MCC: variants seen among roughly 807,000 people sequenced by gnomAD.
The protein encoded by MCC is MCC regulator of Wnt signaling pathway, also known as colorectal mutant cancer protein.
A neutral mutation model predicts 116.2 loss-of-function variants in MCC; 90 were observed. That is an observed-to-expected ratio of 0.77 (90% CI 0.65 to 0.92). The LOEUF (loss-of-function observed/expected upper bound fraction) is 0.92, where lower values mean the gene tolerates loss of function less well. Among genes scored for constraint, MCC ranks in the 40% least tolerant of loss-of-function variants. The probability of loss-of-function intolerance (pLI) is 0.00; values close to 1 mark genes in which losing one functional copy is unlikely to be tolerated. For synonymous variants in MCC, 578 were observed against 510.5 expected (o/e 1.13, Z -1.78); for missense variants, 1,516 against 1,312.2 (o/e 1.16, Z -2.40).
chr5:113,186,357 G>A (rs1761897321), intron 3 of MCC, among the ~76,000 whole-genome samples: 1 of 152,084 alleles, frequency 6.6e-6, no homozygotes, highest in South Asian at 2.1e-4. Flanking sequence ...CCTCATTTGG[G>A]CCTGTTTTAA....
At chr5:113,465,448 T>C (rs2150427679) in intron 1 of MCC, among the ~76,000 whole-genome samples, 1 of 152,226 alleles carries the variant, frequency 6.6e-6, no homozygotes, top group East Asian at 1.9e-4. Flanking sequence ...AATGTCAATA[T>C]TTATCTACTG....
At position 113,080,618 on chromosome 5, in the gene MCC, A is replaced by C. The variant is rs187675284; in HGVS notation, c.1784+2242T>G. ...AATTGAACAATGAGAACACCTGGAC[A>C]CACGGTGTGGAACATCACACACCGG... is the stretch of plus-strand genomic sequence containing the variant. On this transcript the variant is annotated intron_variant, in intron 11 of 18. Transcript: ENST00000408903. Among the ~76,000 whole-genome samples the C allele has an allele frequency of 1.5e-3, 233 of 152,278 alleles. 3 individuals carry two copies. Among genetic ancestry groups the C allele is most frequent in the African/African-American group, 5.3e-3 (222 of 41,552 alleles).
intron 3 of MCC, among the ~76,000 whole-genome samples, chr5:113,265,626 T>C (rs1765390989): frequency 6.6e-6 from 1 of 152,174 alleles, no homozygotes; most frequent in Non-Finnish European, 1.5e-5. Flanking sequence ...TTTCATTTGT[T>C]GTAAGTACAC....
chr5:113,413,977 G>T (rs532618587), intron 1 of MCC, among the ~76,000 whole-genome samples: 1 of 152,214 alleles, frequency 6.6e-6, no homozygotes, highest in South Asian at 2.1e-4. Flanking sequence ...TTGTGTCTTT[G>T]TTCTCATTGG....
At chr5:113,424,993 G>A (rs1770443624) in intron 1 of MCC, among the ~76,000 whole-genome samples, 1 of 152,092 alleles carries the variant, frequency 6.6e-6, no homozygotes, top group Admixed American at 6.5e-5. Context: ...AGACCGAGGG[G>A]AGGAAACTAT....
At chr5:113,246,943 A>C (rs549881033) in intron 3 of MCC, among the ~76,000 whole-genome samples, 3 of 152,196 alleles carry the variant, frequency 2.0e-5, no homozygotes, top group Admixed American at 6.5e-5. Flanking sequence ...GCAAAAACTG[A>C]AGCTAGGAGA....
chr5:113,090,243 A>T lies in MCC; in HGVS notation c.1399-4933T>A, dbSNP rs190933244. On this transcript the variant is annotated intron_variant, in intron 8 of 18. Transcript: ENST00000408903. ...GGGCAATAACAAACGTGATTTGCAGACTGTCAGGGGAAGATGCGAAACAGG... is the reference window on the plus strand; with the variant it reads ...GGGCAATAACAAACGTGATTTGCAGTCTGTCAGGGGAAGATGCGAAACAGG... Among the ~76,000 whole-genome samples the T allele has an allele frequency of 2.6e-5, 4 of 152,132 alleles. No individual in the cohort carries two copies. In the East Asian group the frequency reaches 7.7e-4, roughly 29 times the overall value.
chr5:113,129,985 G>A lies in MCC; in HGVS notation c.885-7159C>T, dbSNP rs931119429. ...TTTGACCCAGCAATCCCATTACTGG[G>A]TATATACCCAAAGGATTATAAATCA... On this transcript the variant is annotated intron_variant, in intron 5 of 18. Coordinates refer to ENST00000408903, the MANE Select transcript of MCC (RefSeq NM_001085377.2). 3.3e-5 allele frequency among the ~76,000 whole-genome samples: 5 copies of A among 152,258 alleles called. No homozygotes were observed. In the Middle Eastern group the frequency reaches 0.014, roughly 414 times the overall value.
rs1161431667 is a variant in MCC, at chr5:113,234,359, A to AAT, written c.628-82939_628-82938dup. 4 of 152,238 alleles carry AAT rather than the reference A, an allele frequency of 2.6e-5. No individual in the cohort carries two copies. In the East Asian group the frequency reaches 7.7e-4, roughly 29 times the overall value. 9.4% of individuals were successfully genotyped at this position (152,238 alleles called of 1,614,324 possible). A position where few individuals can be genotyped will look rare whatever the true frequency, so the allele number is the denominator to read the frequency against. ...TATAAAAATATATAAATTTTAATAA[A>AAT]ATCAAGGGTCATGATCCTAGCAAGC... On this transcript the variant is annotated intron_variant, in intron 3 of 18. Coordinates refer to ENST00000408903, the MANE Select transcript of MCC (RefSeq NM_001085377.2).
At position 113,144,667 on chromosome 5, in the gene MCC, G is replaced by T. The variant is rs1346425423; in HGVS notation, c.742-1307C>A. ...ACAAAGAAGTCTGACAAATAATCTG[G>T]TATCAATCATGGTAGGGCCTGCACC... is the stretch of plus-strand genomic sequence containing the variant. On this transcript the variant is annotated intron_variant, in intron 4 of 18. Coordinates refer to ENST00000408903, the MANE Select transcript of MCC (RefSeq NM_001085377.2). 3.3e-5 allele frequency among the ~76,000 whole-genome samples: 5 copies of T among 152,174 alleles called. No individual in the cohort carries two copies. The East Asian group carries it at 7.7e-4, about 23-fold the overall frequency.
chr5:113,406,942 A>G (rs903196547), intron 1 of MCC, among the ~76,000 whole-genome samples: 1 of 152,216 alleles, frequency 6.6e-6, no homozygotes, highest in Non-Finnish European at 1.5e-5. Context: ...ATCTGGCTCA[A>G]TATCAATTGT....
At chr5:113,123,190 T>G (rs1445019017) in intron 5 of MCC, among the ~76,000 whole-genome samples, 1 of 152,168 alleles carries the variant, frequency 6.6e-6, no homozygotes, top group Non-Finnish European at 1.5e-5. Context: ...ACCAAATAAC[T>G]AAGAGTCTAG....
intron 4 of MCC, among the ~76,000 whole-genome samples, chr5:113,145,004 T>C (rs1420202228): frequency 5.3e-5 from 8 of 152,196 alleles, no homozygotes; most frequent in Admixed American, 1.3e-4. Context: ...TCCATGAAGT[T>C]AGGCCTTTCT....
intron 3 of MCC, among the ~76,000 whole-genome samples, chr5:113,270,175 C>T (rs1333275993): frequency 6.6e-6 from 1 of 152,106 alleles, no homozygotes; most frequent in African/African-American, 2.4e-5. Context: ...ATGACTTATT[C>T]GAGACAAAGA....
chr5:113,310,087 C>T (rs930642843), intron 3 of MCC, among the ~76,000 whole-genome samples: 1 of 152,200 alleles, frequency 6.6e-6, no homozygotes, highest in African/African-American at 2.4e-5. Context: ...CTTGGCCCTT[C>T]AGAGCCTGTT....
At position 113,233,380 on chromosome 5, in the gene MCC, C is replaced by T. The variant is rs893541346; in HGVS notation, c.628-81958G>A. Reference sequence around the variant, plus strand: ...TCTCAAATGTCTACCCCAAATGCCTCTCAATGTCTCAGACTAGAATGCATG... The same window carrying T: ...TCTCAAATGTCTACCCCAAATGCCTTTCAATGTCTCAGACTAGAATGCATG... On this transcript the variant is annotated intron_variant, in intron 3 of 18. Coordinates refer to ENST00000408903, the MANE Select transcript of MCC (RefSeq NM_001085377.2). Among the ~76,000 whole-genome samples the T allele has an allele frequency of 2.6e-5, 4 of 152,250 alleles. No individual in the cohort carries two copies. The South Asian group carries it at 8.3e-4, about 32-fold the overall frequency.
intron 3 of MCC, among the ~76,000 whole-genome samples, chr5:113,273,462 T>C (rs1765688445): frequency 6.6e-6 from 1 of 152,140 alleles, no homozygotes; most frequent in African/African-American, 2.4e-5. Context: ...CTCACTTGGG[T>C]CTTTGACTTT....
At chr5:113,205,623 A>C (rs1762882858) in intron 3 of MCC, among the ~76,000 whole-genome samples, 1 of 152,264 alleles carries the variant, frequency 6.6e-6, no homozygotes, top group Non-Finnish European at 1.5e-5. Flanking sequence ...CAGTCTGTCC[A>C]AAGACTATGT....
chr5:113,422,588 T>G (rs989570984), intron 1 of MCC, among the ~76,000 whole-genome samples: 1 of 152,218 alleles, frequency 6.6e-6, no homozygotes, highest in Non-Finnish European at 1.5e-5. Context: ...AGGAAAGACC[T>G]ACACATAACC....
Sources: allele counts gnomAD v4.1 joint callset (sites outside exome capture counted in the v4.1 genomes callset), GRCh38; gene constraint gnomAD v4.1.1; transcripts MANE v1.5; gene names NCBI Gene and HGNC (gene_info 2026-07-23, HGNC 2026-07-21).